Variants in GPR158 observed in about 807,000 individuals in gnomAD.
GPR158 encodes the protein metabotropic glycine receptor.
GPR158 carries 30 observed loss-of-function variants against 78.2 expected under a neutral mutation model. The observed-to-expected ratio is 0.38, with a 90% CI of 0.29 to 0.52. The LOEUF (loss-of-function observed/expected upper bound fraction) is 0.52, where lower values mean the gene tolerates loss of function less well. GPR158 is among the 20% of genes least tolerant of loss of function. The pLI, the probability that GPR158 is intolerant of heterozygous loss-of-function variation, is 0.83. For missense variants in GPR158, 1,463 were observed against 1,523.5 expected (o/e 0.96, Z 0.66); for synonymous variants, 581 against 591.1 (o/e 0.98, Z 0.25).
chr10:25,452,101 G>C (rs1015446534), intron 4 of GPR158, among the ~76,000 whole-genome samples: 1 of 151,868 alleles, frequency 6.6e-6, no homozygotes, highest in African/African-American at 2.4e-5. Context: ...GCAGTGGTGT[G>C]GACATAGCTC....
intron 4 of GPR158, among the ~76,000 whole-genome samples, chr10:25,441,683 C>T (rs946070353): frequency 6.6e-6 from 1 of 152,150 alleles, no homozygotes; most frequent in Non-Finnish European, 1.5e-5. Context: ...TGTGGTATAC[C>T]TCCAAGATTG....
chr10:25,227,101 C>T (rs1266958921), intron 2 of GPR158, among the ~76,000 whole-genome samples: 1 of 151,850 alleles, frequency 6.6e-6, no homozygotes, highest in Non-Finnish European at 1.5e-5. Context: ...TTTGAGTTTT[C>T]CACTATGCTC....
At chr10:25,425,596 T>C (rs72782105) in intron 4 of GPR158, among the ~76,000 whole-genome samples, 4,168 of 151,950 alleles carry the variant, frequency 0.027, 82 homozygotes, top group Non-Finnish European at 0.043. Flanking sequence ...AAGAAATAAT[T>C]AGCAGAGTAA....
chr10:25,332,114 T>TGG (rs202157807), intron 2 of GPR158, among the ~76,000 whole-genome samples: 26 of 150,442 alleles, frequency 1.7e-4, no homozygotes, highest in African/African-American at 5.7e-4. Context: ...AGAAATCACC[T>TGG]GGGGGGGGGC....
In GPR158 at chr10:25,412,422, G is replaced by A. The variant is rs1834604852; in HGVS notation, c.1284G>A (p.Met428Ile). The stretch of plus-strand genomic sequence containing the variant: ...TCATCTCCTTCCAAGCCCTGTGTAT[G>A]CTGCTCGACTTCGTTAGCATGCTGG... ...LAIISFQALC[M>I]LLDFVSMLVV... The change falls in exon 4 of 11, where the codon ATG (methionine) becomes ATA (isoleucine). Residue 428 changes from methionine to isoleucine, a missense_variant. Met to Ile is a conservative substitution (Grantham distance 10). Coordinates refer to ENST00000376351, the MANE Select transcript of GPR158 (RefSeq NM_020752.3). The A allele has an allele frequency of 6.2e-7, 1 of 1,614,140 alleles. No individual in the cohort carries two copies. The highest frequency in any genetic ancestry group is 8.5e-7 in the Non-Finnish European group (1 of 1,179,976).
chr10:25,529,125 A>G (rs1033576419), intron 5 of GPR158, among the ~76,000 whole-genome samples: 21 of 152,188 alleles, frequency 1.4e-4, no homozygotes, highest in African/African-American at 4.6e-4. Flanking sequence ...ATGGTGGCTC[A>G]CGCGTGTAAT....
Position 25,265,538 on chromosome 10 carries a change from T to C in GPR158, c.1008+44381T>C, listed in dbSNP as rs115689106. ...CAGCCTATGCCAACCTACCTTAATATGGTAAGATACTAGTTAAGGTACTTC... is the reference window on the plus strand; with the variant it reads ...CAGCCTATGCCAACCTACCTTAATACGGTAAGATACTAGTTAAGGTACTTC... On this transcript the variant is annotated intron_variant, in intron 2 of 10. Transcript: ENST00000376351. 3.8e-3 allele frequency among the ~76,000 whole-genome samples: 578 copies of C among 152,240 alleles called. 4 individuals are homozygous for C. Among genetic ancestry groups the C allele is most frequent in the African/African-American group, 0.013 (539 of 41,558 alleles).
At chr10:25,303,534 C>T (rs140722751) in intron 2 of GPR158, among the ~76,000 whole-genome samples, 21 of 152,198 alleles carry the variant, frequency 1.4e-4, no homozygotes, top group Admixed American at 9.2e-4. Flanking sequence ...CTCATCTTCC[C>T]GAAATACCTT....
chr10:25,235,641 C>T (rs193033843), intron 2 of GPR158, among the ~76,000 whole-genome samples: 21 of 148,464 alleles, frequency 1.4e-4, no homozygotes, highest in Middle Eastern at 7.0e-3. Context: ...TCTCAAATTT[C>T]TGTAAAATGA....
intron 2 of GPR158, among the ~76,000 whole-genome samples, chr10:25,372,682 A>G (rs4335449): frequency 0.99 from 127,089 of 128,176 alleles, 63,022 homozygotes; most frequent in Middle Eastern, 1. Context: ...CACAGGAAGG[A>G]GAACATCACA....
chr10:25,292,382 TA>T (rs1400186152), intron 2 of GPR158, among the ~76,000 whole-genome samples: 1 of 152,280 alleles, frequency 6.6e-6, no homozygotes, highest in African/African-American at 2.4e-5. Flanking sequence ...CCTTTTCTCT[TA>T]AAAATAACCT....
rs561251685 is a variant in GPR158 at position 25,572,902 on chromosome 10, G to T, written c.1753+15G>T. The stretch of plus-strand genomic sequence containing the variant: ...GACAGCAGTTGGTATGTGGTCACTT[G>T]TTTCGTATGATGGTCTTACCATTTT... On this transcript the variant is annotated intron_variant, in intron 7 of 10. Transcript: ENST00000376351. The T allele has an allele frequency of 2.9e-6, 4 of 1,397,098 alleles. No individual in the cohort carries two copies. Among genetic ancestry groups the T allele is most frequent in the East Asian group, 4.6e-5 (2 of 43,910 alleles). The allele number at this position is 1,397,098 out of a possible 1,614,324, so 86.5% of individuals were successfully genotyped here.
intron 4 of GPR158, among the ~76,000 whole-genome samples, chr10:25,425,362 G>A (rs1296211788): frequency 6.6e-6 from 1 of 151,230 alleles, no homozygotes; most frequent in African/African-American, 2.4e-5. Flanking sequence ...TTTTATTATG[G>A]CCATTCTTGC....
At chr10:25,311,095 A>AT (rs889942103) in intron 2 of GPR158, among the ~76,000 whole-genome samples, 87 of 152,076 alleles carry the variant, frequency 5.7e-4, no homozygotes, top group African/African-American at 2.0e-3. Context: ...AATACAGAGA[A>AT]TTTTTTATTT....
chr10:25,206,657 G>A (rs1005936121), intron 1 of GPR158, among the ~76,000 whole-genome samples: 2 of 151,930 alleles, frequency 1.3e-5, no homozygotes, highest in African/African-American at 4.8e-5. Flanking sequence ...CTTACACTGT[G>A]TTTTGACTTA....
chr10:25,395,897 TTTC>T lies in GPR158; in HGVS notation c.1009-7_1009-5del. 7.3e-7 allele frequency: 1 copy of T among 1,372,454 alleles called. No homozygotes were observed. The highest frequency in any genetic ancestry group is 1.0e-6 in the Non-Finnish European group (1 of 960,518). 85.0% of individuals were successfully genotyped at this position (1,372,454 alleles called of 1,614,324 possible). A position where few individuals can be genotyped will look rare whatever the true frequency, so the allele number is the denominator to read the frequency against. ...GCCATGATCAACTATGTTGCTGTCT[TTTC>T]TTCTTCATAGTGTATGCCAATTAAA... On this transcript the variant is annotated splice_polypyrimidine_tract_variant and intron_variant, in intron 2 of 10. Coordinates refer to ENST00000376351, the MANE Select transcript of GPR158 (RefSeq NM_020752.3).
intron 2 of GPR158, among the ~76,000 whole-genome samples, chr10:25,375,224 T>G (rs1362342278): frequency 6.6e-6 from 1 of 151,676 alleles, no homozygotes; most frequent in East Asian, 1.9e-4. Flanking sequence ...ATATTCTAAT[T>G]GCAGTGCTTG....
intron 5 of GPR158, among the ~76,000 whole-genome samples, chr10:25,491,956 A>G (rs1564470238): frequency 6.6e-6 from 1 of 152,174 alleles, no homozygotes; most frequent in Non-Finnish European, 1.5e-5. Flanking sequence ...ATAAAGGAAT[A>G]CCTGAGGCTG....
At chr10:25,284,868 TA>T (rs1473181183) in intron 2 of GPR158, among the ~76,000 whole-genome samples, 2 of 152,146 alleles carry the variant, frequency 1.3e-5, no homozygotes, top group Non-Finnish European at 2.9e-5. Flanking sequence ...TTCAATATAG[TA>T]TAAATACTTT....
Sources: allele counts gnomAD v4.1 joint callset (sites outside exome capture counted in the v4.1 genomes callset), GRCh38; gene constraint gnomAD v4.1.1; transcripts MANE v1.5; gene names NCBI Gene and HGNC (gene_info 2026-07-23, HGNC 2026-07-21).